The following BAZ2B variants were observed in gnomAD, a reference collection of about 807,000 sequenced individuals.
BAZ2B encodes bromodomain adjacent to zinc finger domain 2B.
BAZ2B carries 91 observed loss-of-function variants against 246.0 expected under a neutral mutation model. The ratio of observed to expected loss-of-function variants is 0.37; its 90% CI spans 0.31 to 0.44. BAZ2B has a LOEUF of 0.44. BAZ2B is among the 20% of genes least tolerant of loss of function. The pLI, the probability that BAZ2B is intolerant of heterozygous loss-of-function variation, is 1.00. For missense variants in BAZ2B, 2,332 were observed against 2,533.7 expected (o/e 0.92, Z 1.71); for synonymous variants, 855 against 860.0 (o/e 0.99, Z 0.10).
At chr2:159,421,774 CAAATAGGA>C (rs1041906952) in intron 13 of BAZ2B, among the ~76,000 whole-genome samples, 87 of 152,004 alleles carry the variant, frequency 5.7e-4, no homozygotes, top group African/African-American at 2.0e-3. Flanking sequence ...AAAAGGCATC[CAAATAGGA>C]AGAGAGGAAA....
At chr2:159,602,127 A>G (rs1692301187) in intron 1 of BAZ2B, among the ~76,000 whole-genome samples, 1 of 152,208 alleles carries the variant, frequency 6.6e-6, no homozygotes, top group Admixed American at 6.5e-5. Context: ...TCCACCATGC[A>G]TAAAGATTTC....
In BAZ2B at chr2:159,385,255, T is replaced by C. The variant is rs1430127577; in HGVS notation, c.3586A>G (p.Ser1196Gly). 6.2e-7 allele frequency: 1 copy of C among 1,613,590 alleles called. No individual in the cohort carries two copies. The highest frequency in any genetic ancestry group is 1.7e-5 in the Admixed American group (1 of 59,908). The change falls in exon 23 of 37, where the codon AGT (serine) becomes GGT (glycine). Residue 1196 changes from serine (S) to glycine (G), a missense_variant. Ser to Gly is a moderately conservative substitution (Grantham distance 56). This residue lies in a region of BAZ2B where 328 missense variants were observed against 410.4 expected (regional missense o/e 0.80). Transcript: ENST00000392783. ...GCCTGAAAAGCTTTGGTCTTCAGACTTTCAGTAAGCTCAGTTTGTCCACAG... is the reference window on the plus strand; with the variant it reads ...GCCTGAAAAGCTTTGGTCTTCAGACCTTCAGTAAGCTCAGTTTGTCCACAG... Reference protein sequence around the residue: ...AHCGQTELTESLKTKAFQAHT... With the variant: ...AHCGQTELTEGLKTKAFQAHT...
intron 31 of BAZ2B, among the ~76,000 whole-genome samples, chr2:159,346,531 C>T (rs1421018231): frequency 6.6e-6 from 1 of 151,982 alleles, no homozygotes; most frequent in African/African-American, 2.4e-5. Flanking sequence ...GTGGCAAAAC[C>T]CCATCTCTAC....
At chr2:159,633,152 C>CTTT in the BAZ2B span, among the ~76,000 whole-genome samples, 1 of 144,892 alleles carries the variant, frequency 6.9e-6, no homozygotes, top group Non-Finnish European at 1.5e-5. Flanking sequence ...CCCAGAAAGT[C>CTTT]TTTTTTTTTT....
intron 1 of BAZ2B, among the ~76,000 whole-genome samples, chr2:159,604,151 G>A (rs1360060670): frequency 3.3e-5 from 5 of 152,300 alleles, no homozygotes; most frequent in Non-Finnish European, 7.4e-5. Context: ...AAGTTGTACA[G>A]CTGCATATAC....
intron 2 of BAZ2B, among the ~76,000 whole-genome samples, chr2:159,519,248 A>G (rs1361394057): frequency 5.4e-5 from 2 of 36,894 alleles, no homozygotes; most frequent in African/African-American, 2.2e-4. Flanking sequence ...TTTGAGACGG[A>G]GTCTCGCTCT....
chr2:159,595,152 G>C (rs1004423879), intron 1 of BAZ2B, among the ~76,000 whole-genome samples: 1 of 151,790 alleles, frequency 6.6e-6, no homozygotes, highest in Non-Finnish European at 1.5e-5. Flanking sequence ...GCCCAGGCTG[G>C]AGTGCAATGG....
intron 8 of BAZ2B, 121 bp from the exon 9 acceptor site, chr2:159,433,484 G>T: frequency 3.3e-6 from 3 of 906,226 alleles, no homozygotes; most frequent in African/African-American, 1.7e-5. Flanking sequence ...TTTAAATCAT[G>T]ATATACAAAT....
intron 13 of BAZ2B, among the ~76,000 whole-genome samples, chr2:159,427,635 T>C (rs958661067): frequency 3.9e-5 from 6 of 152,180 alleles, no homozygotes; most frequent in Non-Finnish European, 8.8e-5. Flanking sequence ...AGAAAACTAA[T>C]GTTTTCCTAT....
At chr2:159,572,614 T>C (rs1684284283) in intron 1 of BAZ2B, among the ~76,000 whole-genome samples, 1 of 152,220 alleles carries the variant, frequency 6.6e-6, no homozygotes, top group South Asian at 2.1e-4. Context: ...ATTTTATTAT[T>C]ATTATGCATA....
chr2:159,391,493 AGACTAC>A, intron 20 of BAZ2B, among the ~76,000 whole-genome samples: 1 of 152,278 alleles, frequency 6.6e-6, no homozygotes, highest in South Asian at 2.1e-4. Context: ...ATCATAATTG[AGACTAC>A]TAGTTACTAA....
chr2:159,435,437 C>T (rs1235065621), intron 8 of BAZ2B: 2 of 152,124 alleles, frequency 1.3e-5, no homozygotes, highest in Non-Finnish European at 2.9e-5. Flanking sequence ...CTCACTGCAA[C>T]CTCCACCTCC....
At chr2:159,340,376 T>C (rs774963874) in intron 31 of BAZ2B, among the ~76,000 whole-genome samples, 5 of 152,070 alleles carry the variant, frequency 3.3e-5, no homozygotes, top group Non-Finnish European at 7.4e-5. Flanking sequence ...AATGAAATAA[T>C]AGTAGAAAAC....
chr2:159,559,960 A>G (rs1030873132), intron 1 of BAZ2B, among the ~76,000 whole-genome samples: 2 of 152,204 alleles, frequency 1.3e-5, no homozygotes, highest in African/African-American at 4.8e-5. Flanking sequence ...CCCAGAAAAC[A>G]TCTACAAATG....
chr2:159,711,048 C>T, the BAZ2B span, among the ~76,000 whole-genome samples: 1 of 152,062 alleles, frequency 6.6e-6, no homozygotes, highest in Non-Finnish European at 1.5e-5. Flanking sequence ...GTTATTAACC[C>T]CGTTTTACAG....
chr2:159,640,953 C>T, the BAZ2B span, among the ~76,000 whole-genome samples: 5,680 of 150,318 alleles, frequency 0.038, 345 homozygotes, highest in African/African-American at 0.13. Context: ...ATTAGCAAAA[C>T]AAAAATTGTT....
At chr2:159,640,296 AC>A in the BAZ2B span, among the ~76,000 whole-genome samples, 1 of 152,144 alleles carries the variant, frequency 6.6e-6, no homozygotes, top group African/African-American at 2.4e-5. Flanking sequence ...GATCTCCCAG[AC>A]ACAAGATCAA....
At chr2:159,561,721 T>C (rs1213000403) in intron 1 of BAZ2B, among the ~76,000 whole-genome samples, 1 of 152,238 alleles carries the variant, frequency 6.6e-6, no homozygotes, top group Non-Finnish European at 1.5e-5. Flanking sequence ...TCCTAAATAT[T>C]TGAAAAATTA....
At position 159,545,521 on chromosome 2, in the gene BAZ2B, C is replaced by A. The variant is rs541912873; in HGVS notation, c.-3+10302G>T. 2.6e-5 allele frequency among the ~76,000 whole-genome samples: 4 copies of A among 152,172 alleles called. No homozygotes were observed. The East Asian group carries it at 7.7e-4, about 29-fold the overall frequency. ...AGTTGTTAAAATATATACTATCTCT[C>A]TGTTTTCTATACTATACATTCCAGT... On this transcript the variant is annotated intron_variant, in intron 2 of 36. Coordinates refer to ENST00000392783, the MANE Select transcript of BAZ2B (RefSeq NM_013450.4).
Sources: allele counts gnomAD v4.1 joint callset (sites outside exome capture counted in the v4.1 genomes callset), GRCh38; gene constraint gnomAD v4.1.1; regional missense constraint gnomAD v4.1.1; transcripts MANE v1.5; gene names NCBI Gene and HGNC (gene_info 2026-07-23, HGNC 2026-07-21).